CDC73: variants seen among roughly 807,000 people sequenced by gnomAD.
CDC73 encodes cell division cycle 73, also known as parafibromin.
A neutral mutation model predicts 83.7 loss-of-function variants in CDC73; 21 were observed. That is an observed-to-expected ratio of 0.25 (90% CI 0.18 to 0.36). The LOEUF is 0.36. Ranked by LOEUF, CDC73 falls within the 10% of genes least tolerant of loss-of-function variation. The pLI is 1.00. For missense variants in CDC73, 342 were observed against 653.3 expected (o/e 0.52, Z 5.19); for synonymous variants, 224 against 212.9 (o/e 1.05, Z -0.45).
intron 11 of CDC73, among the ~76,000 whole-genome samples, chr1:193,209,644 C>T (rs1406041550): frequency 6.6e-6 from 1 of 152,132 alleles, no homozygotes; most frequent in Non-Finnish European, 1.5e-5. Flanking sequence ...TACTAGGGAA[C>T]TTGTTTATAT....
intron 2 of CDC73, chr1:193,128,140 T>C (rs964043116): frequency 1.3e-5 from 2 of 152,194 alleles, no homozygotes; most frequent in African/African-American, 2.4e-5. Context: ...TATTTTAGTG[T>C]GAGTAGATGT....
At chr1:193,146,566 C>T (rs1676004477) in intron 7 of CDC73, among the ~76,000 whole-genome samples, 3 of 152,088 alleles carry the variant, frequency 2.0e-5, no homozygotes, top group Admixed American at 2.0e-4. Context: ...TTTCGGGAAT[C>T]CGAGCCCACT....
Position 193,253,183 on chromosome 1 carries a change from A to G in CDC73, c.*2471A>G, listed in dbSNP as rs1424108034. The stretch of plus-strand genomic sequence containing the variant: ...CTCTCAACCCTGACTGCATTTTAGA[A>G]TCATTTGGAGAGTTTTTAAAAATAT... On this transcript the variant is annotated 3_prime_UTR_variant, in exon 17 of 17. Coordinates refer to ENST00000367435, the MANE Select transcript of CDC73 (RefSeq NM_024529.5). The G allele has an allele frequency of 4.3e-6, 1 of 232,342 alleles. No homozygotes were observed. Among genetic ancestry groups the G allele is most frequent in the Admixed American group, 5.6e-5 (1 of 17,728 alleles). 14.4% of individuals were successfully genotyped at this position (232,342 alleles called of 1,614,324 possible).
In CDC73 at chr1:193,171,917, G is replaced by A. The variant is rs113167186; in HGVS notation, c.972+19473G>A. Among the ~76,000 whole-genome samples the A allele has an allele frequency of 3.1e-3, 467 of 152,232 alleles. 4 individuals carry two copies. Among genetic ancestry groups the A allele is most frequent in the African/African-American group, 0.011 (450 of 41,552 alleles). Reference sequence around the variant, plus strand: ...TTTTATGAATTTTTGGTTGCTTAATGTTAAACAGAGTTGATTTTTGTTTGT... The same window carrying A: ...TTTTATGAATTTTTGGTTGCTTAATATTAAACAGAGTTGATTTTTGTTTGT... On this transcript the variant is annotated intron_variant, in intron 10 of 16. Coordinates refer to ENST00000367435, the MANE Select transcript of CDC73 (RefSeq NM_024529.5).
intron 15 of CDC73, among the ~76,000 whole-genome samples, chr1:193,246,865 C>T (rs967505243): frequency 6.6e-6 from 1 of 152,140 alleles, no homozygotes; most frequent in Non-Finnish European, 1.5e-5. Flanking sequence ...TATCCCTTCC[C>T]TACATTATTT....
chr1:193,244,417 C>G (rs533138624), intron 15 of CDC73, among the ~76,000 whole-genome samples: 26 of 152,208 alleles, frequency 1.7e-4, no homozygotes, highest in African/African-American at 6.3e-4. Context: ...CTATTGCCTA[C>G]AAAGAAAGTT....
chr1:193,158,512 AATT>A (rs1331664726), intron 10 of CDC73, among the ~76,000 whole-genome samples: 2 of 151,748 alleles, frequency 1.3e-5, no homozygotes, highest in Non-Finnish European at 2.9e-5. Flanking sequence ...TAAAAAAAAA[AATT>A]AAGTAACTTT....
intron 2 of CDC73, among the ~76,000 whole-genome samples, chr1:193,128,786 A>G (rs958829919): frequency 4.6e-5 from 7 of 152,210 alleles, no homozygotes; most frequent in Non-Finnish European, 7.3e-5. Flanking sequence ...GTAAATTATA[A>G]TAAGTATTCA....
intron 13 of CDC73, among the ~76,000 whole-genome samples, chr1:193,220,668 A>C (rs976976101): frequency 6.6e-6 from 1 of 152,110 alleles, no homozygotes; most frequent in Admixed American, 6.5e-5. Flanking sequence ...TTTTTAAAAA[A>C]TTTTTAGTAC....
chr1:193,174,790 T>C (rs1165425751), intron 10 of CDC73, among the ~76,000 whole-genome samples: 1 of 152,238 alleles, frequency 6.6e-6, no homozygotes, highest in Non-Finnish European at 1.5e-5. Flanking sequence ...CATGAAGGCC[T>C]GTAGACCTTA....
chr1:193,217,167 G>A (rs1177458035), intron 13 of CDC73, among the ~76,000 whole-genome samples: 2 of 152,088 alleles, frequency 1.3e-5, no homozygotes, highest in African/African-American at 2.4e-5. Context: ...AACCTCTAGG[G>A]GAGCACACCG....
intron 15 of CDC73, among the ~76,000 whole-genome samples, chr1:193,240,781 A>G (rs972837509): frequency 2.6e-5 from 4 of 152,078 alleles, no homozygotes; most frequent in African/African-American, 9.7e-5. Context: ...CTCCCATTCA[A>G]CAGGTTGTTC....
intron 10 of CDC73, chr1:193,181,454 A>G (rs775306550): frequency 3.7e-6 from 6 of 1,614,070 alleles, no homozygotes; most frequent in South Asian, 2.2e-5. Context: ...AACATAGCAA[A>G]AAGAAACACT....
intron 10 of CDC73, among the ~76,000 whole-genome samples, chr1:193,188,956 T>G (rs1166331597): frequency 7.5e-6 from 1 of 132,604 alleles, no homozygotes; most frequent in African/African-American, 2.7e-5. Context: ...TGTCTGTCTG[T>G]TTTTTTTTTT....
intron 2 of CDC73, among the ~76,000 whole-genome samples, chr1:193,126,776 TA>T (rs1292492463): frequency 6.6e-6 from 1 of 152,226 alleles, no homozygotes; most frequent in South Asian, 2.1e-4. Context: ...AAACTTTTCT[TA>T]TAGTTCTTAA....
At chr1:193,136,500 C>A (rs372093002) in intron 5 of CDC73, 1 of 285,858 alleles carries the variant, frequency 3.5e-6, no homozygotes, top group South Asian at 2.8e-5. Context: ...CTCATGTAAT[C>A]GTATTTGCTC....
intron 10 of CDC73, among the ~76,000 whole-genome samples, chr1:193,162,347 TA>T (rs1214072851): frequency 7.2e-6 from 1 of 137,956 alleles, no homozygotes; most frequent in African/African-American, 2.7e-5. Context: ...ATATTATATA[TA>T]CATATATATT....
chr1:193,205,082 T>A (rs867509091), intron 11 of CDC73, among the ~76,000 whole-genome samples: 42 of 152,156 alleles, frequency 2.8e-4, no homozygotes, highest in African/African-American at 9.7e-4. Context: ...ATAGATCATT[T>A]AGATACCAAC....
intron 11 of CDC73, among the ~76,000 whole-genome samples, chr1:193,209,119 A>G (rs1266229274): frequency 6.6e-6 from 1 of 152,232 alleles, no homozygotes; most frequent in East Asian, 1.9e-4. Flanking sequence ...TTTGCAATTT[A>G]ATAATAACTT....
Sources: gnomAD v4.1 joint callset for allele counts (sites outside exome capture counted in the v4.1 genomes callset) on GRCh38, gnomAD v4.1.1 for gene constraint, MANE v1.5 for transcripts, NCBI Gene and HGNC (gene_info 2026-07-23, HGNC 2026-07-21) for gene names.